HRNR: variants seen among roughly 807,000 people sequenced by gnomAD.
The protein encoded by HRNR is hornerin.
HRNR carries 7 observed loss-of-function variants against 4.8 expected under a neutral mutation model. The ratio of observed to expected loss-of-function variants is 1.47; its 90% CI spans 0.83 to 2.75. HRNR has a LOEUF of 2.75. Ranked by LOEUF, HRNR falls within the 30% of genes most tolerant of loss-of-function variation. HRNR has a pLI of 0.00. For missense variants in HRNR, 2,879 were observed against 3,010.4 expected, an observed-to-expected ratio of 0.96 and a Z score of 1.02; for synonymous variants, 1,023 against 1,242.7, an observed-to-expected ratio of 0.82 and a Z score of 3.72.
Position 152,219,196 on chromosome 1 carries a change from T to G in HRNR, c.2433A>C (p.Ser811=), listed in dbSNP as rs1470570035. Residue 811 remains serine (S), a synonymous_variant, in exon 3 of 3, where the codon TCA becomes TCC. Transcript: ENST00000368801. ...GTTGCCCAAAACCAGAAGCCTGGCC[T>G]GAGCCAGACTCATAATGGCCACAGC... ...SSSCGHYESG[S]GQASGFGQHE... The G allele has an allele frequency of 1.2e-6, 2 of 1,613,866 alleles. No individual in the cohort carries two copies. Among genetic ancestry groups the G allele is most frequent in the East Asian group, 4.5e-5 (2 of 44,846 alleles).
chr1:152,218,430 C>T lies in HRNR; in HGVS notation c.3199G>A (p.Gly1067Arg), dbSNP rs1648743533. The T allele has an allele frequency of 1.2e-6, 2 of 1,613,604 alleles. No homozygotes were observed. The highest frequency in any genetic ancestry group is 1.7e-6 in the Non-Finnish European group (2 of 1,180,014). ...SGQSSGYGQH[G>R]SSSGHSSTHG... ...GTAGAGGAATGACCTGAGCTAGATC[C>T]ATGTTGACCGTAGCCAGAGGACTGT... The change falls in exon 3 of 3, where the codon GGA becomes AGA. Residue 1067 changes from glycine (G) to arginine (R), a missense_variant. Gly to Arg is a moderately radical substitution (Grantham distance 125). Coordinates refer to ENST00000368801, the MANE Select transcript of HRNR (RefSeq NM_001009931.3).
rs1648448082 is a variant in HRNR, at chr1:152,213,110, T to C, written c.8519A>G (p.Tyr2840Cys). Residue 2840 changes from tyrosine (Y) to cysteine (C), a missense_variant, in exon 3 of 3, where the codon TAT becomes TGT. Coordinates refer to ENST00000368801, the MANE Select transcript of HRNR (RefSeq NM_001009931.3). ...AAAGTAGCACCTCTGCTCTTGGACA[T>C]ATTCATAGGGTGAAGTGCTACTAGG... ...SFPSSTSPYE[Y>C]VQEQRCYFYQ 3 of 1,613,940 alleles carry C rather than the reference T, an allele frequency of 1.9e-6. No homozygotes were observed. The highest frequency in any genetic ancestry group is 3.3e-4 in the Middle Eastern group (2 of 6,062).
In HRNR at chr1:152,218,856, C is replaced by G. The variant is rs1233282625; in HGVS notation, c.2773G>C (p.Gly925Arg). Residue 925 changes from glycine (G) to arginine (R), a missense_variant, in exon 3 of 3, where the codon GGC becomes CGC. By Grantham distance (125) the Gly-to-Arg change is moderately radical. Around this residue, in one of 8 missense-constraint regions of HRNR, gnomAD observed 2,646 missense variants for 1,377.7 expected, o/e 1.92. Coordinates refer to ENST00000368801, the MANE Select transcript of HRNR (RefSeq NM_001009931.3). ...RSSSSGRHGS[G>R]SGQSSGFGHK... is the part of the protein sequence containing the mutation. ...CCAAAGCCAGAAGACTGGCCTGAGCCAGACCCATGTCGGCCACTGCTGGAA... is the reference window on the plus strand; with the variant it reads ...CCAAAGCCAGAAGACTGGCCTGAGCGAGACCCATGTCGGCCACTGCTGGAA... 3 of 1,613,826 alleles carry G rather than the reference C, an allele frequency of 1.9e-6. No individual in the cohort carries two copies. Among genetic ancestry groups the G allele is most frequent in the African/African-American group, 1.3e-5 (1 of 74,878 alleles).
chr1:152,221,946 G>GA (rs1167115820), intron 2 of HRNR, among the ~76,000 whole-genome samples: 10 of 151,812 alleles, frequency 6.6e-5, no homozygotes, highest in East Asian at 1.9e-4. Context: ...TTTGCTTCCT[G>GA]AAAAAAAATG....
Position 152,218,415 on chromosome 1 carries a change from G to A in HRNR, c.3214C>T (p.His1072Tyr), listed in dbSNP as rs1292741300. 6.2e-7 allele frequency: 1 copy of A among 1,613,494 alleles called. No individual in the cohort carries two copies. Among genetic ancestry groups the A allele is most frequent in the Non-Finnish European group, 8.5e-7 (1 of 1,180,026 alleles). ...GYGQHGSSSG[H>Y]SSTHGQHGST... is the part of the protein sequence containing the mutation. Reference sequence around the variant, plus strand: ...CCGTGTTGCCCATGGGTAGAGGAATGACCTGAGCTAGATCCATGTTGACCG... The same window carrying A: ...CCGTGTTGCCCATGGGTAGAGGAATAACCTGAGCTAGATCCATGTTGACCG... Residue 1072 changes from histidine (H) to tyrosine (Y), a missense_variant, in exon 3 of 3, where the codon CAT becomes TAT. His to Tyr is a moderately conservative substitution (Grantham distance 83). Transcript: ENST00000368801.
intron 2 of HRNR, 30 bp downstream of exon 2, chr1:152,223,086 C>CATA: frequency 6.2e-7 from 1 of 1,607,792 alleles, no homozygotes; most frequent in Non-Finnish European, 8.5e-7. Flanking sequence ...AAAATTCCTG[C>CATA]ATAACTCCAT....
chr1:152,212,972 A>T lies in HRNR; in HGVS notation c.*104T>A. On this transcript the variant is annotated 3_prime_UTR_variant, in exon 3 of 3. Coordinates refer to ENST00000368801, the MANE Select transcript of HRNR (RefSeq NM_001009931.3). The stretch of plus-strand genomic sequence containing the variant: ...GACAGAAATGCATTGATTCACTTTT[A>T]GAACGAATTTCATGATGGATTGCTT... 1.4e-6 allele frequency: 2 copies of T among 1,467,608 alleles called. No individual in the cohort carries two copies. Among genetic ancestry groups the T allele is most frequent in the Non-Finnish European group, 9.1e-7 (1 of 1,094,544 alleles). 90.9% of individuals were successfully genotyped at this position (1,467,608 alleles called of 1,614,324 possible).
In HRNR at chr1:152,218,598, G is replaced by A. The variant is rs773313985; in HGVS notation, c.3031C>T (p.Arg1011Cys). ...SGSGQSPSPS[R>C]GRHGSGSGQS... ...CCGGAACCAGACCCATGTCGGCCAC[G>A]GCTAGGGCTAGGAGACTGGCCAGAT... The change falls in exon 3 of 3, where the codon CGT (arginine) becomes TGT (cysteine). Residue 1011 changes from arginine (R) to cysteine (C), a missense_variant. Coordinates refer to ENST00000368801, the MANE Select transcript of HRNR (RefSeq NM_001009931.3). The A allele has an allele frequency of 8.7e-6, 14 of 1,611,084 alleles. No individual in the cohort carries two copies. The highest frequency in any genetic ancestry group is 6.6e-5 in the South Asian group (6 of 90,928).
In HRNR at chr1:152,213,184, TC is replaced by T. The variant is rs1476775608; in HGVS notation, c.8444del (p.Gly2815GlufsTer38). The T allele has an allele frequency of 1.9e-6, 3 of 1,614,126 alleles. No homozygotes were observed. The highest frequency in any genetic ancestry group is 8.5e-7 in the Non-Finnish European group (1 of 1,180,048). ...SGQDGYSYCK[G>X]GSNHDGGSSG... ...AACTTCCCCCATCATGGTTACTTCC[TC>T]CTTTGCAATAAGAATACCCATCTTG... On this transcript the variant is annotated frameshift_variant, in exon 3 of 3. Transcript: ENST00000368801. LOFTEE classifies it low-confidence loss of function (END_TRUNC).
chr1:152,223,129 T>C lies in HRNR; in HGVS notation c.125A>G (p.His42Arg), dbSNP rs1253237965. 2 of 1,613,800 alleles carry C rather than the reference T, an allele frequency of 1.2e-6. No individual in the cohort carries two copies. The highest frequency in any genetic ancestry group is 1.7e-6 in the Non-Finnish European group (2 of 1,179,804). Residue 42 changes from histidine (H) to arginine (R), a missense_variant, in exon 2 of 3, where the codon CAT becomes CGT. Transcript: ENST00000368801. ...TGGAGTTCTTACCTTCAGAATTTGATGAAACTCATTTTCCAGAAGTTCTTT... is the reference window on the plus strand; with the variant it reads ...TGGAGTTCTTACCTTCAGAATTTGACGAAACTCATTTTCCAGAAGTTCTTT... ...ELKELLENEF[H>R]QILKNPNDPD...
chr1:152,219,597 G>T lies in HRNR; in HGVS notation c.2032C>A (p.His678Asn). The T allele has an allele frequency of 6.2e-7, 1 of 1,612,286 alleles. No homozygotes were observed. The highest frequency in any genetic ancestry group is 1.1e-5 in the South Asian group (1 of 90,946). The change falls in exon 3 of 3, where the codon CAT becomes AAT. Residue 678 changes from histidine (H) to asparagine (N), a missense_variant. Coordinates refer to ENST00000368801, the MANE Select transcript of HRNR (RefSeq NM_001009931.3). ...GAAGACCAACCGGAGCCAGACCCAT[G>T]TTGGCCGTAGCTGGAAGAGTGCCCA... is the stretch of plus-strand genomic sequence containing the variant. ...DFGHSSSYGQ[H>N]GSGSGWSSSN...
Position 152,219,983 on chromosome 1 carries a change from T to C in HRNR, c.1646A>G (p.Glu549Gly), listed in dbSNP as rs144160623. 6.1e-5 allele frequency: 99 copies of C among 1,609,840 alleles called. No homozygotes were observed. The highest frequency in any genetic ancestry group is 2.5e-4 in the South Asian group (23 of 90,888). Residue 549 changes from glutamate (E) to glycine (G), a missense_variant, in exon 3 of 3, where the codon GAG (glutamate) becomes GGG (glycine). Around this residue, in one of 8 missense-constraint regions of HRNR, gnomAD observed 2,646 missense variants for 1,377.7 expected, o/e 1.92. Coordinates refer to ENST00000368801, the MANE Select transcript of HRNR (RefSeq NM_001009931.3). ...GCTGGAAGACTGCCTGGAACCAGAC[T>C]CATGTCGGCCACGGCTAGGGCTAGG... is the stretch of plus-strand genomic sequence containing the variant. The part of the protein sequence containing the change: ...QSPSPSRGRH[E>G]SGSRQSSSYG...
In HRNR at chr1:152,219,135, C is replaced by T. The variant is rs762082150; in HGVS notation, c.2494G>A (p.Gly832Ser). The change falls in exon 3 of 3, where the codon GGT becomes AGT. Residue 832 changes from glycine to serine, a missense_variant. By Grantham distance (56) the Gly-to-Ser change is moderately conservative (BLOSUM62 0). Around this residue, in one of 8 missense-constraint regions of HRNR, gnomAD observed 2,646 missense variants for 1,377.7 expected, o/e 1.92. Coordinates refer to ENST00000368801, the MANE Select transcript of HRNR (RefSeq NM_001009931.3). ...CTAGAGAAGTGACCTGAGGCAGAACCATGCTGACTATAGCCCTGTCCTGAG... is the reference window on the plus strand; with the variant it reads ...CTAGAGAAGTGACCTGAGGCAGAACTATGCTGACTATAGCCCTGTCCTGAG... ...SGSGQGYSQH[G>S]SASGHFSSQG... 1.2e-6 allele frequency: 2 copies of T among 1,613,590 alleles called. No individual in the cohort carries two copies. The highest frequency in any genetic ancestry group is 2.7e-5 in the African/African-American group (2 of 74,752).
rs148822488 is a variant in HRNR at position 152,219,083 on chromosome 1, C to G, written c.2546G>C (p.Gly849Ala). Residue 849 changes from glycine (G) to alanine (A), a missense_variant, in exon 3 of 3, where the codon GGG becomes GCG. Gly to Ala is a moderately conservative substitution (Grantham distance 60, BLOSUM62 0). This residue lies in a region of HRNR where 2,646 missense variants were observed against 1,377.7 expected (regional missense o/e 1.92). Coordinates refer to ENST00000368801, the MANE Select transcript of HRNR (RefSeq NM_001009931.3). ...SSQGRHGSTSGQSSSSGQHDS... is the reference protein window; with the variant it reads ...SSQGRHGSTSAQSSSSGQHDS... ...ATGTTGGCCGGAGCTTGATGACTGCCCTGACGTAGATCCATGTCGTCCCTG... is the reference window on the plus strand; with the variant it reads ...ATGTTGGCCGGAGCTTGATGACTGCGCTGACGTAGATCCATGTCGTCCCTG... 2.5e-6 allele frequency: 4 copies of G among 1,613,554 alleles called. No homozygotes were observed. In the South Asian group the frequency reaches 4.4e-5, roughly 18 times the overall value.
chr1:152,221,037 C>T lies in HRNR; in HGVS notation c.592G>A (p.Gly198Arg). Residue 198 changes from glycine to arginine, a missense_variant, in exon 3 of 3, where the codon GGG becomes AGG. Physicochemically the swap from Gly to Arg is moderately radical, Grantham distance 125. Coordinates refer to ENST00000368801, the MANE Select transcript of HRNR (RefSeq NM_001009931.3). The part of the protein sequence containing the change: ...QSSGRGQCGS[G>R]SGQSPNYGQH... ...CCATAGTTGGGAGACTGCCCTGACCCAGACCCACATTGGCCGCGGCCTGAA... is the reference window on the plus strand; with the variant it reads ...CCATAGTTGGGAGACTGCCCTGACCTAGACCCACATTGGCCGCGGCCTGAA... 6.2e-7 allele frequency: 1 copy of T among 1,613,410 alleles called. No individual in the cohort carries two copies. The highest frequency in any genetic ancestry group is 1.1e-5 in the South Asian group (1 of 90,978).
chr1:152,212,357 C>T lies in HRNR; in HGVS notation c.*719G>A, dbSNP rs982336269. The T allele has an allele frequency of 6.6e-6, 1 of 152,006 alleles. No individual in the cohort carries two copies. Among genetic ancestry groups the T allele is most frequent in the Non-Finnish European group, 1.5e-5 (1 of 68,014 alleles). 9.4% of individuals were successfully genotyped at this position (152,006 alleles called of 1,614,324 possible). On this transcript the variant is annotated 3_prime_UTR_variant, in exon 3 of 3. Coordinates refer to ENST00000368801, the MANE Select transcript of HRNR (RefSeq NM_001009931.3). ...GGGAGCAAGATCTTTCTGCTGAAAA[C>T]AAGCTAAAGCCCACATTTGAATGTT...
At chr1:152,222,165 G>A (rs1649024610) in intron 2 of HRNR, among the ~76,000 whole-genome samples, 1 of 152,104 alleles carries the variant, frequency 6.6e-6, no homozygotes, top group Non-Finnish European at 1.5e-5. Flanking sequence ...CTAGGCAGAG[G>A]GAATTATATG....
At position 152,221,079 on chromosome 1, in the gene HRNR, A is replaced by C; in HGVS notation, c.550T>G (p.Ser184Ala). The change falls in exon 3 of 3, where the codon TCC (serine) becomes GCC (alanine). Residue 184 changes from serine to alanine, a missense_variant. Around this residue, in one of 8 missense-constraint regions of HRNR, gnomAD observed 2,646 missense variants for 1,377.7 expected, o/e 1.92. Coordinates refer to ENST00000368801, the MANE Select transcript of HRNR (RefSeq NM_001009931.3). Reference sequence around the variant, plus strand: ...CGGCCTGAAGACTGATGGGAGTCGGAGTTTTGCTCACCATAGCTGGAAGAC... The same window carrying C: ...CGGCCTGAAGACTGATGGGAGTCGGCGTTTTGCTCACCATAGCTGGAAGAC... ...GQSSSYGEQN[S>A]DSHQSSGRGQ... 6.2e-7 allele frequency: 1 copy of C among 1,613,346 alleles called. No individual in the cohort carries two copies. The highest frequency in any genetic ancestry group is 8.5e-7 in the Non-Finnish European group (1 of 1,179,468).
At position 152,220,805 on chromosome 1, in the gene HRNR, G is replaced by C. The variant is rs772822193; in HGVS notation, c.824C>G (p.Ser275Cys). 1.9e-6 allele frequency: 3 copies of C among 1,613,974 alleles called. No individual in the cohort carries two copies. The highest frequency in any genetic ancestry group is 1.1e-5 in the South Asian group (1 of 91,070). The change falls in exon 3 of 3, where the codon TCT becomes TGT. Residue 275 changes from serine to cysteine, a missense_variant. Physicochemically the swap from Ser to Cys is moderately radical, Grantham distance 112 (BLOSUM62 -1). This residue lies in a region of HRNR where 2,646 missense variants were observed against 1,377.7 expected (regional missense o/e 1.92). Transcript: ENST00000368801. ...GQSSRGERHR[S>C]SSGSSSSYGQ... ...ATAGCTGGAAGACGAACCTGAGCTAGATCTGTGTCGTTCACCCCTAGATGA... is the reference window on the plus strand; with the variant it reads ...ATAGCTGGAAGACGAACCTGAGCTACATCTGTGTCGTTCACCCCTAGATGA...
Sources: gnomAD v4.1 joint callset for allele counts (sites outside exome capture counted in the v4.1 genomes callset) on GRCh38, gnomAD v4.1.1 for gene constraint, gnomAD v4.1.1 regional missense constraint, MANE v1.5 for transcripts, NCBI Gene and HGNC (gene_info 2026-07-23, HGNC 2026-07-21) for gene names.